The following MALRD1 variants were observed in gnomAD, a reference collection of about 807,000 sequenced individuals.
The protein encoded by MALRD1 is MAM and LDL-receptor class A domain-containing protein 1.
In MALRD1, 247 loss-of-function variants were observed where a neutral mutation model predicts 242.1. That is an observed-to-expected ratio of 1.02 (90% CI 0.92 to 1.13). MALRD1 has a LOEUF of 1.13. MALRD1 is among the 50% of genes most tolerant of loss of function. The pLI, the probability that MALRD1 is intolerant of heterozygous loss-of-function variation, is 0.00. For missense variants in MALRD1, 2,989 were observed against 2,533.1 expected, an observed-to-expected ratio of 1.18 and a Z score of -3.86; for synonymous variants, 995 against 866.6, an observed-to-expected ratio of 1.15 and a Z score of -2.60.
rs905029189 is a variant in MALRD1 at position 19,203,765 on chromosome 10, G to C, written c.1989G>C (p.Trp663Cys). ...KCDFEANSCD[W>C]FEAISGDHFD... ...ACTTTGAAGCAAACAGCTGTGATTG[G>C]TTTGAAGCAATTAGTGGTGACCATT... Residue 663 changes from tryptophan to cysteine, a missense_variant, in exon 15 of 40, where the codon TGG becomes TGC. Transcript: ENST00000454679. 1 of 1,549,730 alleles carries C rather than the reference G, an allele frequency of 6.5e-7. No homozygotes were observed. The highest frequency in any genetic ancestry group is 8.7e-7 in the Non-Finnish European group (1 of 1,146,270).
chr10:19,189,145 A>G (rs894252560), intron 14 of MALRD1, among the ~76,000 whole-genome samples: 1 of 152,098 alleles, frequency 6.6e-6, no homozygotes, highest in Non-Finnish European at 1.5e-5. Flanking sequence ...TTCTACATAA[A>G]TAAAAAAGAT....
chr10:19,549,187 G>A (rs1353581791), intron 32 of MALRD1, among the ~76,000 whole-genome samples: 1 of 152,176 alleles, frequency 6.6e-6, no homozygotes, highest in Non-Finnish European at 1.5e-5. Context: ...GAAGCTAGTA[G>A]AGGATGGTTA....
At chr10:19,174,538 T>G (rs928716682) in intron 13 of MALRD1, among the ~76,000 whole-genome samples, 21 of 152,034 alleles carry the variant, frequency 1.4e-4, no homozygotes, top group African/African-American at 5.1e-4. Flanking sequence ...TTCCTTTCCC[T>G]CCTTTCTCTC....
chr10:19,531,015 C>G lies in MALRD1; in HGVS notation c.5321-179C>G, dbSNP rs550791039. On this transcript the variant is annotated intron_variant, in intron 31 of 39. Coordinates refer to ENST00000454679, the MANE Select transcript of MALRD1 (RefSeq NM_001142308.3). Reference sequence around the variant, plus strand: ...TTTGTGAATCACATGATCATAGTGACACTTTTTAGGCTCAGAAGAATGAAA... The same window carrying G: ...TTTGTGAATCACATGATCATAGTGAGACTTTTTAGGCTCAGAAGAATGAAA... Among the ~76,000 whole-genome samples the G allele has an allele frequency of 3.5e-4, 53 of 152,298 alleles. 2 individuals carry two copies. The South Asian group carries it at 0.011, about 31-fold the overall frequency.
rs140159437 is a variant in MALRD1, at chr10:19,345,593, A to T, written c.3902-2178A>T. 3.3e-5 allele frequency among the ~76,000 whole-genome samples: 5 copies of T among 152,278 alleles called. No individual in the cohort carries two copies. In the East Asian group the frequency reaches 9.7e-4, roughly 29 times the overall value. On this transcript the variant is annotated intron_variant, in intron 24 of 39. Transcript: ENST00000454679. Reference sequence around the variant, plus strand: ...AATTACAAAATACATTTCAAATGACATTTGAAAACTGAATTAGCAATTCGA... The same window carrying T: ...AATTACAAAATACATTTCAAATGACTTTTGAAAACTGAATTAGCAATTCGA...
chr10:19,095,827 C>T (rs1836008352), intron 4 of MALRD1, among the ~76,000 whole-genome samples: 3 of 152,098 alleles, frequency 2.0e-5, no homozygotes, highest in South Asian at 4.1e-4. Flanking sequence ...GTCTCAACAA[C>T]GACAACAAAA....
rs545698928 is a variant in MALRD1 at position 19,669,725 on chromosome 10, G to A, written c.6138-22557G>A. On this transcript the variant is annotated intron_variant, in intron 36 of 39. Coordinates refer to ENST00000454679, the MANE Select transcript of MALRD1 (RefSeq NM_001142308.3). The stretch of plus-strand genomic sequence containing the variant: ...ATAAGTGATCATTAATCCTCATAAC[G>A]CTATTGGCTCAGAAGTAAACCATAC... Among the ~76,000 whole-genome samples, 6 of 152,128 alleles carry A rather than the reference G, an allele frequency of 3.9e-5. No individual in the cohort carries two copies. The South Asian group carries it at 1.0e-3, about 26-fold the overall frequency.
chr10:19,102,265 T>C (rs1836293689), intron 4 of MALRD1, among the ~76,000 whole-genome samples: 1 of 151,888 alleles, frequency 6.6e-6, no homozygotes, highest in Non-Finnish European at 1.5e-5. Flanking sequence ...CACTGTGTTA[T>C]ACTGCCTTTG....
intron 36 of MALRD1, among the ~76,000 whole-genome samples, chr10:19,662,179 A>G (rs887269858): frequency 1.3e-5 from 2 of 152,156 alleles, no homozygotes; most frequent in Non-Finnish European, 2.9e-5. Flanking sequence ...TATTCTTGCT[A>G]TTTACTAGGT....
chr10:19,399,750 T>C (rs561408557), intron 28 of MALRD1, among the ~76,000 whole-genome samples: 1 of 151,738 alleles, frequency 6.6e-6, no homozygotes, highest in East Asian at 1.9e-4. Context: ...TGTTTTAAAC[T>C]TTTTTTAACA....
intron 21 of MALRD1, among the ~76,000 whole-genome samples, chr10:19,310,206 AAGG>A (rs1277509118): frequency 6.6e-6 from 1 of 151,420 alleles, no homozygotes; most frequent in East Asian, 2.0e-4. Context: ...AAATGAAGGA[AAGG>A]ATGTGCTTAG....
chr10:19,534,991 TTC>T (rs1403232103), intron 32 of MALRD1, among the ~76,000 whole-genome samples: 1 of 152,160 alleles, frequency 6.6e-6, no homozygotes, highest in Non-Finnish European at 1.5e-5. Flanking sequence ...GTTCAAGCGA[TTC>T]TCCTGCCTCA....
At chr10:19,205,778 T>A (rs1395338512) in intron 17 of MALRD1, among the ~76,000 whole-genome samples, 8 of 151,784 alleles carry the variant, frequency 5.3e-5, no homozygotes, top group Non-Finnish European at 5.9e-5. Context: ...CAAAATATAA[T>A]AAGGATGAAG....
rs530115084 is a variant in MALRD1 at position 19,352,322 on chromosome 10, G to A, written c.4441+25G>A. ...GGTACATTCTAATCTGTGTGTGTGT[G>A]TGGTATTTTTGCATGGTGAAAGGTG... On this transcript the variant is annotated intron_variant, in intron 26 of 39. Transcript: ENST00000454679. The A allele has an allele frequency of 4.6e-4, 710 of 1,529,764 alleles. 6 individuals carry two copies. In the African/African-American group the frequency reaches 8.7e-3, roughly 19 times the overall value. The allele number at this position is 1,529,764 out of a possible 1,614,324, so 94.8% of individuals were successfully genotyped here.
In MALRD1 at chr10:19,108,387, C is replaced by CTTTTTTTTTTTTTTTTTTTTTTTTT. The variant is rs35948766; in HGVS notation, c.694+4326_694+4350dup. Among the ~76,000 whole-genome samples the CTTTTTTTTTTTTTTTTTTTTTTTTT allele has an allele frequency of 1.0e-4, 2 of 19,764 alleles. 1 individual carries two copies. The highest frequency in any genetic ancestry group is 1.6e-4 in the Non-Finnish European group (2 of 12,506). 13.0% of individuals were successfully genotyped at this position (19,764 alleles called of 152,430 possible). On this transcript the variant is annotated intron_variant, in intron 5 of 39. Transcript: ENST00000454679. Reference sequence around the variant, plus strand: ...TTATTGAGCTCATGAATTGTTTTTTCTTTTTTTTTTTTTTTTTTTTTTTTT... The same window carrying CTTTTTTTTTTTTTTTTTTTTTTTTT: ...TTATTGAGCTCATGAATTGTTTTTTCTTTTTTTTTTTTTTTTTTTTTTTTTTTTTTTTTTTTTTTTTTTTTTTTTT...
intron 29 of MALRD1, among the ~76,000 whole-genome samples, chr10:19,478,790 A>C (rs1836856951): frequency 6.6e-6 from 1 of 152,170 alleles, no homozygotes; most frequent in African/African-American, 2.4e-5. Context: ...TAGAGTATCA[A>C]AGTCACCAAA....
In MALRD1 at chr10:19,209,547, G is replaced by T. The variant is rs762913209; in HGVS notation, c.2858G>T (p.Arg953Leu). 1 of 1,550,782 alleles carries T rather than the reference G, an allele frequency of 6.4e-7. No homozygotes were observed. The change falls in exon 18 of 40, where the codon CGC becomes CTC. Residue 953 changes from arginine to leucine, a missense_variant. Physicochemically the swap from Arg to Leu is moderately radical, Grantham distance 102. Transcript: ENST00000454679. ...TTCTATTACCACATGTTTGGAAAGC[G>T]CATTTATAGGTTGGCAATCTACCAA... is the stretch of plus-strand genomic sequence containing the variant. ...FRFYYHMFGK[R>L]IYRLAIYQRI... is the part of the protein sequence containing the mutation.
intron 27 of MALRD1, among the ~76,000 whole-genome samples, 153 bp downstream of exon 27, chr10:19,387,926 C>G (rs1320526246): frequency 6.6e-6 from 1 of 152,080 alleles, no homozygotes; most frequent in Non-Finnish European, 1.5e-5. Flanking sequence ...TTTCTTAGGG[C>G]TGCTGTAAGA....
chr10:19,160,883 A>G (rs1190398737), intron 12 of MALRD1, among the ~76,000 whole-genome samples: 1 of 142,456 alleles, frequency 7.0e-6, no homozygotes, highest in Non-Finnish European at 1.5e-5. Context: ...CTAGCGGTCT[A>G]TCAATTTTGT....
Sources: gnomAD v4.1 joint callset for allele counts (sites outside exome capture counted in the v4.1 genomes callset) on GRCh38, gnomAD v4.1.1 for gene constraint, MANE v1.5 for transcripts, NCBI Gene and HGNC (gene_info 2026-07-23, HGNC 2026-07-21) for gene names.